Variants in ZP3 observed in about 807,000 individuals in gnomAD.
The protein encoded by ZP3 is zona pellucida glycoprotein 3.
ZP3 carries 21 observed loss-of-function variants against 35.6 expected under a neutral mutation model. The ratio of observed to expected loss-of-function variants is 0.59; its 90% CI spans 0.42 to 0.85. The LOEUF is 0.85. ZP3 is among the 40% of genes least tolerant of loss of function. ZP3 has a pLI of 0.00. For synonymous variants in ZP3, 207 were observed against 214.5 expected (o/e 0.96, Z 0.31); for missense variants, 437 against 536.5 (o/e 0.81, Z 1.83).
At chr7:76,410,321 G>A (rs1370024981) in intron 1 of ZP3, among the ~76,000 whole-genome samples, 1 of 150,304 alleles carries the variant, frequency 6.7e-6, no homozygotes, top group Non-Finnish European at 1.5e-5. Context: ...GTGAGCCACC[G>A]CACCCAGCCT....
rs190551853 is a variant in ZP3, at chr7:76,416,847, C to A, written c.-66-8205C>A. On this transcript the variant is annotated intron_variant, in intron 1 of 8. Transcript: ENST00000336517. ...ATATATACATATACATACATATATA[C>A]ACACATACATATATATACACACATA... Among the ~76,000 whole-genome samples the A allele has an allele frequency of 8.3e-3, 1,230 of 149,044 alleles. 5 individuals are homozygous for A. The highest frequency in any genetic ancestry group is 0.015 in the Non-Finnish European group (987 of 67,674).
At position 76,412,962 on chromosome 7, in the gene ZP3, C is replaced by CTTTTTTTTTTTTTTTTT. The variant is rs201143080; in HGVS notation, c.-66-12088_-66-12087insTTTTTTTTTTTTTTTTT. On this transcript the variant is annotated intron_variant, in intron 1 of 8. Coordinates refer to the ZP3 transcript ENST00000336517. ...CTTTCTTCTTTGTCTTCTTCTTCTT[C>CTTTTTTTTTTTTTTTTT]TTCTTTTTTTTTTTTTTTGAGACGG... 5.3e-5 allele frequency among the ~76,000 whole-genome samples: 6 copies of CTTTTTTTTTTTTTTTTT among 113,758 alleles called. 1 individual carries two copies. Among genetic ancestry groups the CTTTTTTTTTTTTTTTTT allele is most frequent in the Non-Finnish European group, 6.8e-5 (4 of 58,524 alleles). The allele number at this position is 113,758 out of a possible 152,430, so 74.6% of individuals were successfully genotyped here.
At chr7:76,427,907 T>C (rs984787120) in intron 1 of ZP3, among the ~76,000 whole-genome samples, 19 of 152,126 alleles carry the variant, frequency 1.2e-4, no homozygotes, top group Non-Finnish European at 2.4e-4. Context: ...CGTGACTTCC[T>C]GGCCTCAAGC....
In ZP3 at chr7:76,438,674, G is replaced by A. The variant is rs535992776; in HGVS notation, c.832-1576G>A. Among the ~76,000 whole-genome samples the A allele has an allele frequency of 4.1e-3, 608 of 147,250 alleles. 2 individuals are homozygous for A. Among genetic ancestry groups the A allele is most frequent in the African/African-American group, 0.015 (560 of 38,246 alleles). ...TCCCTCGTACTTGTCTAACGAGGGTGGGTAAACGTTTCCCAGAGGCCAGGA... is the reference window on the plus strand; with the variant it reads ...TCCCTCGTACTTGTCTAACGAGGGTAGGTAAACGTTTCCCAGAGGCCAGGA... On this transcript the variant is annotated intron_variant, in intron 5 of 7. Coordinates refer to ENST00000394857, the MANE Select transcript of ZP3 (RefSeq NM_001110354.2).
upstream of ZP3, among the ~76,000 whole-genome samples, chr7:76,422,127 C>A (rs1563694983): frequency 6.6e-6 from 1 of 151,984 alleles, no homozygotes; most frequent in South Asian, 2.1e-4. Flanking sequence ...GATCTCCTGA[C>A]CTCAGGTGAT....
rs1804964138 is a variant in ZP3 at position 76,405,274 on chromosome 7, TATATATA to T, written c.-67+7478_-67+7484del. 7.5e-4 allele frequency among the ~76,000 whole-genome samples: 16 copies of T among 21,250 alleles called. 1 individual carries two copies. The highest frequency in any genetic ancestry group is 3.5e-3 in the African/African-American group (11 of 3,144). The allele number at this position is 21,250 out of a possible 152,430, so 13.9% of individuals were successfully genotyped here. The stretch of plus-strand genomic sequence containing the variant: ...GTGCATCACCACACCCAGCTAATTA[TATATATA>T]TATATATATATATATATATATATAT... On this transcript the variant is annotated intron_variant, in intron 1 of 8. Transcript: ENST00000336517.
intron 1 of ZP3, among the ~76,000 whole-genome samples, chr7:76,405,301 A>T (rs1445445607): frequency 0.026 from 1,165 of 45,180 alleles, 57 homozygotes; most frequent in African/African-American, 0.054. Flanking sequence ...ATATATATAT[A>T]TATATATATA....
chr7:76,436,001 GGCATGAACCACCACGCGCCCCCC>G (rs1805988642), intron 5 of ZP3, among the ~76,000 whole-genome samples: 1 of 141,354 alleles, frequency 7.1e-6, no homozygotes, highest in Non-Finnish European at 1.5e-5. Flanking sequence ...TGGGATTATA[GGCATGAACCACCACGCGCCCCCC>G]GCCCCCTTTT....
intron 1 of ZP3, among the ~76,000 whole-genome samples, chr7:76,400,744 G>C (rs1421763627): frequency 6.6e-6 from 1 of 152,188 alleles, no homozygotes; most frequent in South Asian, 2.1e-4. Context: ...CTGGGCTCAA[G>C]TGATCCTCCT....
chr7:76,428,273 T>A (rs371537815), intron 1 of ZP3, among the ~76,000 whole-genome samples: 1 of 151,464 alleles, frequency 6.6e-6, no homozygotes, highest in East Asian at 2.0e-4. Flanking sequence ...GTGAGCCGAG[T>A]TCGTGCCACT....
intron 1 of ZP3, among the ~76,000 whole-genome samples, 185 bp downstream of exon 1, chr7:76,425,461 C>T (rs1805623249): frequency 6.6e-6 from 1 of 152,162 alleles, no homozygotes; most frequent in African/African-American, 2.4e-5. Flanking sequence ...GCTCCTGCCT[C>T]TGATGCCCGA....
chr7:76,407,311 C>T (rs1805068961), intron 1 of ZP3, among the ~76,000 whole-genome samples: 1 of 150,680 alleles, frequency 6.6e-6, no homozygotes, highest in African/African-American at 2.4e-5. Context: ...CCTGTGAGCA[C>T]TTTGGGAAGC....
intron 5 of ZP3, 107 bp from the exon 6 acceptor site, chr7:76,440,143 G>T (rs1455838460): frequency 5.6e-5 from 82 of 1,475,650 alleles, no homozygotes; most frequent in Non-Finnish European, 7.5e-5. Flanking sequence ...CAATGCACCC[G>T]GCCCCTTCTC....
At chr7:76,401,966 A>T (rs896196538) in intron 1 of ZP3, among the ~76,000 whole-genome samples, 3 of 152,060 alleles carry the variant, frequency 2.0e-5, no homozygotes, top group Non-Finnish European at 4.4e-5. Context: ...TTTGGGATTC[A>T]TCATATTTCC....
intron 1 of ZP3, among the ~76,000 whole-genome samples, chr7:76,405,595 G>T (rs1805000375): frequency 6.6e-6 from 1 of 151,778 alleles, no homozygotes; most frequent in African/African-American, 2.4e-5. Flanking sequence ...AAAGAAAAAA[G>T]TTCCAAGTGT....
At chr7:76,422,363 C>T (rs1805522434), upstream of ZP3, among the ~76,000 whole-genome samples, 5 of 152,138 alleles carry the variant, frequency 3.3e-5, no homozygotes, top group Admixed American at 3.3e-4. Flanking sequence ...CATGGGTCCT[C>T]AGGCCCTCAG....
Position 76,431,898 on chromosome 7 carries a change from C to CA in ZP3, c.432-1013dup, listed in dbSNP as rs67914265. ...TGGGAGACAAAGTGAGACTCCGTCT[C>CA]AAAAAAAAAAAAAAAAGATGGCCTT... On this transcript the variant is annotated intron_variant, in intron 2 of 7. Coordinates refer to ENST00000394857, the MANE Select transcript of ZP3 (RefSeq NM_001110354.2). Among the ~76,000 whole-genome samples the CA allele has an allele frequency of 3.4e-3, 497 of 144,318 alleles. 2 individuals are homozygous for CA. Among genetic ancestry groups the CA allele is most frequent in the Admixed American group, 7.5e-3 (107 of 14,328 alleles). 94.7% of individuals were successfully genotyped at this position (144,318 alleles called of 152,430 possible).
At chr7:76,420,069 T>C (rs1031708706), upstream of ZP3, among the ~76,000 whole-genome samples, 1 of 151,782 alleles carries the variant, frequency 6.6e-6, no homozygotes, top group African/African-American at 2.4e-5. Flanking sequence ...CCCAAAGTGC[T>C]GGGATTACAG....
intron 1 of ZP3, chr7:76,400,216 T>C (rs1804770282): frequency 1.1e-5 from 15 of 1,384,460 alleles, no homozygotes; most frequent in Middle Eastern, 1.9e-4. Flanking sequence ...AGTCCCTTCA[T>C]TTATCTAGCC....
Sources: allele counts gnomAD v4.1 joint callset (sites outside exome capture counted in the v4.1 genomes callset), GRCh38; gene constraint gnomAD v4.1.1; transcripts MANE v1.5; gene names NCBI Gene and HGNC (gene_info 2026-07-23, HGNC 2026-07-21).